PPM1A: variants seen among roughly 807,000 people sequenced by gnomAD.
The protein encoded by PPM1A is protein phosphatase, Mg2+/Mn2+ dependent 1A, also known as protein phosphatase 1A.
A neutral mutation model predicts 35.0 loss-of-function variants in PPM1A; 7 were observed. The observed-to-expected ratio is 0.20, with a 90% CI of 0.11 to 0.38. The LOEUF (loss-of-function observed/expected upper bound fraction) is 0.38, where lower values mean the gene tolerates loss of function less well. Ranked by LOEUF, PPM1A falls within the 10% of genes least tolerant of loss-of-function variation. The pLI is 1.00. For synonymous variants in PPM1A, 153 were observed against 167.3 expected, an observed-to-expected ratio of 0.91 and a Z score of 0.66; for missense variants, 239 against 467.8, an observed-to-expected ratio of 0.51 and a Z score of 4.51.
intron 1 of PPM1A, among the ~76,000 whole-genome samples, chr14:60,271,918 A>G (rs573500251): frequency 1.1e-4 from 17 of 152,320 alleles, no homozygotes; most frequent in African/African-American, 4.1e-4. Flanking sequence ...GTAATTGACA[A>G]ATAATCAAGG....
In PPM1A at chr14:60,249,640, C is replaced by T. The variant is rs890724830; in HGVS notation, c.-58C>T. On this transcript the variant is annotated 5_prime_UTR_variant, in exon 1 of 6. Transcript: ENST00000395076. The surrounding 1 kb of genome is among the most constrained non-coding windows in gnomAD (Gnocchi z 4.5). ...TCCCCGGCTGCCGCCGCCGCCGCCT[C>T]GGCCGACCAGGGACCTGCCCGCCTG... The T allele has an allele frequency of 1.5e-5, 15 of 986,636 alleles. No individual in the cohort carries two copies. The highest frequency in any genetic ancestry group is 6.2e-5 in the Admixed American group (1 of 16,114). The allele number at this position is 986,636 out of a possible 1,614,324, so 61.1% of individuals were successfully genotyped here. A position where few individuals can be genotyped will look rare whatever the true frequency, so the allele number is the denominator to read the frequency against.
intron 1 of PPM1A, among the ~76,000 whole-genome samples, chr14:60,252,633 A>C (rs1882574350): frequency 6.6e-6 from 1 of 152,212 alleles, no homozygotes; most frequent in Non-Finnish European, 1.5e-5. Context: ...ACAAATTTTA[A>C]AATTAAGTTG....
intron 3 of PPM1A, chr14:60,288,276 A>G (rs1887250047): frequency 1.0e-6 from 1 of 962,042 alleles, no homozygotes; most frequent in South Asian, 4.8e-5. Flanking sequence ...AGATACATCA[A>G]ATATAGATGA....
intron 1 of PPM1A, among the ~76,000 whole-genome samples, chr14:60,252,196 A>G (rs146116155): frequency 6.6e-6 from 1 of 152,348 alleles, no homozygotes; most frequent in African/African-American, 2.4e-5. Context: ...GCATATTTGT[A>G]ATTTTTAACC....
intron 1 of PPM1A, among the ~76,000 whole-genome samples, chr14:60,275,357 CAA>C (rs1307715354): frequency 2.6e-5 from 4 of 151,920 alleles, no homozygotes; most frequent in Non-Finnish European, 5.9e-5. Flanking sequence ...TAACCTTGGG[CAA>C]GTTATTCTGT....
chr14:60,289,841 T>C lies in PPM1A; in HGVS notation c.988T>C (p.Leu330=). 6.2e-7 allele frequency: 1 copy of C among 1,606,552 alleles called. No homozygotes were observed. Among genetic ancestry groups the C allele is most frequent in the South Asian group, 1.1e-5 (1 of 89,638 alleles). The change falls in exon 4 of 6, where the codon TTA becomes CTA. Residue 330 remains leucine, a synonymous_variant. Transcript: ENST00000395076. The surrounding 1 kb of genome is among the most constrained non-coding windows in gnomAD (Gnocchi z 4.1). ...GAAGCAGGGGGAAGGCGTCCCCGACTTAGTCCATGTGATGCGCACATTAGC... is the reference window on the plus strand; with the variant it reads ...GAAGCAGGGGGAAGGCGTCCCCGACCTAGTCCATGTGATGCGCACATTAGC... ...IKKQGEGVPD[L]VHVMRTLASE...
intron 1 of PPM1A, among the ~76,000 whole-genome samples, chr14:60,276,082 C>G (rs1885723042): frequency 6.6e-6 from 1 of 152,138 alleles, no homozygotes. Flanking sequence ...TTGCTTAATA[C>G]TCTATTGTTC....
In PPM1A at chr14:60,286,613, T is replaced by C. The variant is rs1008086219; in HGVS notation, c.952+872T>C. The C allele has an allele frequency of 3.0e-6, 3 of 985,170 alleles. No homozygotes were observed. In the African/African-American group the frequency reaches 5.2e-5, roughly 17 times the overall value. The allele number at this position is 985,170 out of a possible 1,614,324, so 61.0% of individuals were successfully genotyped here. ...TGCACGTTAAAGACCTCTAATCGCA[T>C]GCAAGCATTGACCTACCACACCTAC... On this transcript the variant is annotated intron_variant, in intron 3 of 5. Coordinates refer to ENST00000395076, the MANE Select transcript of PPM1A (RefSeq NM_021003.5).
rs148248834 is a variant in PPM1A at position 60,282,456 on chromosome 14, A to G, written c.-20-228A>G. Among the ~76,000 whole-genome samples, 13 of 152,174 alleles carry G rather than the reference A, an allele frequency of 8.5e-5. No individual in the cohort carries two copies. Among genetic ancestry groups the G allele is most frequent in the African/African-American group, 2.9e-4 (12 of 41,502 alleles). ...TTTCTGCCTTCTCCCCTTTATCCCA[A>G]TGCTTTAGTTTTTTTCTGCCTTTTT... On this transcript the variant is annotated intron_variant, in intron 1 of 5. Transcript: ENST00000395076. This position sits in a 1 kb window ranked among gnomAD's most constrained non-coding sequence, Gnocchi z 5.1.
chr14:60,246,575 G>C (rs759824963), upstream of PPM1A, among the ~76,000 whole-genome samples: 1 of 152,104 alleles, frequency 6.6e-6, no homozygotes, highest in Admixed American at 6.5e-5. Context: ...AATATGTGTA[G>C]AGGCCCGGCA....
At position 60,249,294 on chromosome 14, in the gene PPM1A, C is replaced by G. The variant is rs1214644411; in HGVS notation, c.-404C>G. 1 of 972,324 alleles carries G rather than the reference C, an allele frequency of 1.0e-6. No homozygotes were observed. Among genetic ancestry groups the G allele is most frequent in the Non-Finnish European group, 1.2e-6 (1 of 826,898 alleles). 60.2% of individuals were successfully genotyped at this position (972,324 alleles called of 1,614,324 possible). On this transcript the variant is annotated 5_prime_UTR_variant, in exon 1 of 6. Transcript: ENST00000395076. This position sits in a 1 kb window ranked among gnomAD's most constrained non-coding sequence, Gnocchi z 4.5. ...GGGAGCTAGAGAGCAGTGGTCTCGG[C>G]GCTCGTCCGGCCCGCAGCTTCGGGT...
chr14:60,251,674 T>C (rs1882434916), intron 1 of PPM1A, among the ~76,000 whole-genome samples: 1 of 152,254 alleles, frequency 6.6e-6, no homozygotes. Context: ...ATGCCTGTTA[T>C]GTGTCAGGCA....
At chr14:60,285,830 T>A (rs1020112815) in intron 3 of PPM1A, 89 bp downstream of exon 3, 2 of 1,543,930 alleles carry the variant, frequency 1.3e-6, no homozygotes, top group Non-Finnish European at 1.7e-6. Context: ...TAGATTTTTA[T>A]GTGTCTTTGA....
chr14:60,255,046 C>G (rs1882892591), intron 1 of PPM1A, among the ~76,000 whole-genome samples: 1 of 152,086 alleles, frequency 6.6e-6, no homozygotes, highest in Non-Finnish European at 1.5e-5. Context: ...TCTCTTTTAG[C>G]AAAGCTCATT....
chr14:60,270,284 T>G (rs1884927114), intron 1 of PPM1A, among the ~76,000 whole-genome samples: 1 of 152,180 alleles, frequency 6.6e-6, no homozygotes, highest in African/African-American at 2.4e-5. Flanking sequence ...CTGTTGATAC[T>G]TTTTATATTC....
chr14:60,294,795 C>T lies in PPM1A; in HGVS notation c.*2313C>T, dbSNP rs1409318391. ...TTAGTATTGAAATTAGGCTTGGACA[C>T]GAGAGAGAACCGTATTTGAGTGATG... On this transcript the variant is annotated 3_prime_UTR_variant, in exon 6 of 6. Coordinates refer to ENST00000395076, the MANE Select transcript of PPM1A (RefSeq NM_021003.5). 1.3e-5 allele frequency: 2 copies of T among 151,278 alleles called. No homozygotes were observed. The highest frequency in any genetic ancestry group is 3.0e-5 in the Non-Finnish European group (2 of 67,716). 9.4% of individuals were successfully genotyped at this position (151,278 alleles called of 1,614,324 possible).
chr14:60,268,486 C>G (rs930441144), intron 1 of PPM1A: 1 of 750,654 alleles, frequency 1.3e-6, no homozygotes, highest in Admixed American at 6.3e-5. Flanking sequence ...TTTAGTTAGA[C>G]TATTTAGTGG....
At position 60,293,824 on chromosome 14, in the gene PPM1A, T is replaced by G. The variant is rs775157978; in HGVS notation, c.*1342T>G. ...GGCCTTTACAAATAACTTTCAAAGC[T>G]TAAGGAATTGTAGATATAAAAATAA... On this transcript the variant is annotated 3_prime_UTR_variant, in exon 6 of 6. Coordinates refer to ENST00000395076, the MANE Select transcript of PPM1A (RefSeq NM_021003.5). The surrounding 1 kb of genome is among the most constrained non-coding windows in gnomAD (Gnocchi z 4.0). 6.6e-6 allele frequency: 1 copy of G among 151,982 alleles called. No individual in the cohort carries two copies. Among genetic ancestry groups the G allele is most frequent in the African/African-American group, 2.4e-5 (1 of 41,414 alleles). 9.4% of individuals were successfully genotyped at this position (151,982 alleles called of 1,614,324 possible). A position where few individuals can be genotyped will look rare whatever the true frequency, so the allele number is the denominator to read the frequency against.
intron 3 of PPM1A, chr14:60,285,972 A>G (rs1445081509): frequency 7.7e-6 from 9 of 1,172,294 alleles, no homozygotes; most frequent in Non-Finnish European, 9.5e-6. Context: ...TCTGTTCAGG[A>G]TACTTTTGTT....
Sources: allele counts gnomAD v4.1 joint callset (sites outside exome capture counted in the v4.1 genomes callset), GRCh38; gene constraint gnomAD v4.1.1; non-coding constraint Gnocchi (gnomAD v3.1); transcripts MANE v1.5; gene names NCBI Gene and HGNC (gene_info 2026-07-23, HGNC 2026-07-21).